DHX32: variants seen among roughly 807,000 people sequenced by gnomAD.
The protein encoded by DHX32 is putative pre-mRNA-splicing factor ATP-dependent RNA helicase DHX32.
A neutral mutation model predicts 70.0 loss-of-function variants in DHX32; 51 were observed. That is an observed-to-expected ratio of 0.73 (90% CI 0.58 to 0.92). DHX32 has a LOEUF of 0.92. Ranked by LOEUF, DHX32 falls within the 40% of genes least tolerant of loss-of-function variation. The pLI is 0.00. For missense variants in DHX32, 762 were observed against 891.8 expected, an observed-to-expected ratio of 0.85 and a Z score of 1.85; for synonymous variants, 310 against 315.3, an observed-to-expected ratio of 0.98 and a Z score of 0.18.
chr10:125,853,899 A>T (rs1944123277), intron 4 of DHX32, 62 bp downstream of exon 4: 2 of 1,559,040 alleles, frequency 1.3e-6, no homozygotes, highest in African/African-American at 2.7e-5. Flanking sequence ...AATGGTAGGA[A>T]ACTGAGAAAC....
chr10:125,840,367 C>T lies in DHX32; in HGVS notation c.1693+480G>A, dbSNP rs533329630. Among the ~76,000 whole-genome samples, 32 of 152,372 alleles carry T rather than the reference C, an allele frequency of 2.1e-4. No individual in the cohort carries two copies. In the South Asian group the frequency reaches 6.2e-3, roughly 30 times the overall value. ...GCTCTCCTCTATCAAGCTCCGTCAG[C>T]AACTCTGCAGCCTCCCCTCAGCACC... On this transcript the variant is annotated intron_variant, in intron 8 of 10. Transcript: ENST00000284690.
At chr10:125,840,559 C>T (rs965281128) in intron 8 of DHX32, among the ~76,000 whole-genome samples, 3 of 152,224 alleles carry the variant, frequency 2.0e-5, no homozygotes, top group African/African-American at 4.8e-5. Context: ...CTGTGTCCCC[C>T]GTCACCATGC....
chr10:125,842,003 T>C (rs755039736), intron 6 of DHX32, 69 bp from the exon 7 acceptor site: 5 of 1,450,492 alleles, frequency 3.4e-6, no homozygotes, highest in Non-Finnish European at 4.5e-6. Context: ...GTACTGGACT[T>C]TTCCCTCCTG....
chr10:125,854,925 G>A (rs967768064), intron 3 of DHX32: 4 of 152,128 alleles, frequency 2.6e-5, no homozygotes, highest in African/African-American at 9.7e-5. Flanking sequence ...AGGAAGGATT[G>A]TTTAGAAATT....
chr10:125,889,565 T>A (rs1380632512), intron 1 of DHX32, among the ~76,000 whole-genome samples: 3 of 152,296 alleles, frequency 2.0e-5, no homozygotes, highest in Non-Finnish European at 2.9e-5. Context: ...GTCTTGCTAT[T>A]TTTAAAAAGT....
At chr10:125,863,695 C>T (rs572347060) in intron 2 of DHX32, among the ~76,000 whole-genome samples, 106 of 152,240 alleles carry the variant, frequency 7.0e-4, no homozygotes, top group Non-Finnish European at 1.2e-3. Flanking sequence ...GGGATCTGCC[C>T]GCCTTGGCTT....
intron 3 of DHX32, among the ~76,000 whole-genome samples, chr10:125,859,045 G>GTTTTTTTTTTTTTTTTTTTTTTTT (rs71029270): frequency 7.1e-6 from 1 of 141,712 alleles, no homozygotes; most frequent in Non-Finnish European, 1.5e-5. Flanking sequence ...TTGTTTGTTT[G>GTTTTTTTTTTTTTTTTTTTTTTTT]TTTTTTTTTT....
chr10:125,885,454 T>C (rs984898311), upstream of DHX32, among the ~76,000 whole-genome samples: 1 of 152,100 alleles, frequency 6.6e-6, no homozygotes, highest in Non-Finnish European at 1.5e-5. Flanking sequence ...CTAGCCACAG[T>C]CAGAGGAAAA....
Position 125,881,116 on chromosome 10 carries a change from A to T in DHX32, c.-292T>A, listed in dbSNP as rs1193889583. ...AAAGAGTAAGGAAAATTAGGAACACATATAAGTTAAAAAGAAAATGCACAG... is the reference window on the plus strand; with the variant it reads ...AAAGAGTAAGGAAAATTAGGAACACTTATAAGTTAAAAAGAAAATGCACAG... On this transcript the variant is annotated 5_prime_UTR_variant, in exon 1 of 11. It removes an upstream start codon present in the reference 5' UTR. Transcript: ENST00000284690. 1.0e-5 allele frequency: 3 copies of T among 300,686 alleles called. No homozygotes were observed. The East Asian group carries it at 1.7e-4, about 17-fold the overall frequency. The allele number at this position is 300,686 out of a possible 1,614,324, so 18.6% of individuals were successfully genotyped here.
intron 1 of DHX32, among the ~76,000 whole-genome samples, chr10:125,873,764 TC>T (rs1327588988): frequency 6.6e-6 from 1 of 152,172 alleles, no homozygotes; most frequent in African/African-American, 2.4e-5. Context: ...TGAGGTCCCT[TC>T]TGAATCAAAT....
chr10:125,840,503 G>A (rs1032581847), intron 8 of DHX32, among the ~76,000 whole-genome samples: 3 of 152,262 alleles, frequency 2.0e-5, no homozygotes, highest in Non-Finnish European at 4.4e-5. Flanking sequence ...CAGTGGGCAC[G>A]TAGAGGTGGC....
intron 6 of DHX32, 187 bp from the exon 7 acceptor site, chr10:125,842,121 G>A: frequency 1.3e-6 from 1 of 755,232 alleles, no homozygotes; most frequent in Non-Finnish European, 1.9e-6. Flanking sequence ...CTCAGGAGGG[G>A]AGCCCTGTGA....
chr10:125,880,421 T>C, intron 1 of DHX32, 122 bp downstream of exon 1: 2 of 1,018,274 alleles, frequency 2.0e-6, no homozygotes, highest in Non-Finnish European at 2.7e-6. Flanking sequence ...TTATTTTATC[T>C]GAATAATGTT....
chr10:125,855,803 G>T (rs1944142543), intron 3 of DHX32, among the ~76,000 whole-genome samples: 1 of 152,156 alleles, frequency 6.6e-6, no homozygotes, highest in South Asian at 2.1e-4. Context: ...CCTAGAAGAT[G>T]TGGGAAAAAT....
At chr10:125,840,570 C>T (rs981557469) in intron 8 of DHX32, among the ~76,000 whole-genome samples, 1 of 152,216 alleles carries the variant, frequency 6.6e-6, no homozygotes, top group Non-Finnish European at 1.5e-5. Context: ...GTCACCATGC[C>T]CCAAGCAAGC....
rs1854798990 is a variant in DHX32 at position 125,839,242 on chromosome 10, A to G, written c.1694-54T>C. The G allele has an allele frequency of 1.9e-6, 3 of 1,579,654 alleles. No individual in the cohort carries two copies. In the South Asian group the frequency reaches 3.4e-5, roughly 18 times the overall value. On this transcript the variant is annotated intron_variant, in intron 8 of 10. Transcript: ENST00000284690. ...AGAAATGATTTGTCAGAAGCTCTGAAGAGCCCAGGCCAGGCAGTTGCCATC... is the reference window on the plus strand; with the variant it reads ...AGAAATGATTTGTCAGAAGCTCTGAGGAGCCCAGGCCAGGCAGTTGCCATC...
In DHX32 at chr10:125,895,899, C is replaced by G. The variant is rs554243390; in HGVS notation, c.-248+319G>C. On this transcript the variant is annotated intron_variant, in intron 1 of 2. Transcript: ENST00000415732. Reference sequence around the variant, plus strand: ...GACGACAGCGACGACGGCGGCGGCTCGCATTGCTCCACGCTTCCCGTCAGG... The same window carrying G: ...GACGACAGCGACGACGGCGGCGGCTGGCATTGCTCCACGCTTCCCGTCAGG... 7.2e-5 allele frequency among the ~76,000 whole-genome samples: 11 copies of G among 152,412 alleles called. No individual in the cohort carries two copies. The South Asian group carries it at 2.1e-3, about 29-fold the overall frequency.
chr10:125,876,746 G>A (rs1944285901), intron 1 of DHX32, among the ~76,000 whole-genome samples: 1 of 152,324 alleles, frequency 6.6e-6, no homozygotes, highest in East Asian at 1.9e-4. Context: ...CTGGGGAGTT[G>A]TGTCAGATTA....
Position 125,852,620 on chromosome 10 carries a change from GCT to G in DHX32, c.1113_1114del (p.Arg371SerfsTer35). ...GATGGGCTGCATGACGAGCGAGTTT[GCT>G]CTTATTCTCGGGTTGTACACCTTTA... On this transcript the variant is annotated frameshift_variant, in exon 5 of 11. Transcript: ENST00000284690. LOFTEE classifies it high-confidence loss of function. 6.2e-7 allele frequency: 1 copy of G among 1,612,032 alleles called. No individual in the cohort carries two copies. The highest frequency in any genetic ancestry group is 8.5e-7 in the Non-Finnish European group (1 of 1,179,514).
Sources: gnomAD v4.1 joint callset for allele counts (sites outside exome capture counted in the v4.1 genomes callset) on GRCh38, gnomAD v4.1.1 for gene constraint, MANE v1.5 for transcripts, NCBI Gene and HGNC (gene_info 2026-07-23, HGNC 2026-07-21) for gene names.